Variants in SNRK observed in about 807,000 individuals in gnomAD.
The protein encoded by SNRK is SNF related kinase, also known as SNF-related serine/threonine-protein kinase.
In SNRK, 3 loss-of-function variants were observed where a neutral mutation model predicts 48.2. The observed-to-expected ratio is 0.06, with a 90% CI of 0.03 to 0.16. The LOEUF is 0.16. SNRK is among the 10% of genes least tolerant of loss of function. SNRK has a pLI of 1.00. For missense variants in SNRK, 627 were observed against 976.0 expected, an observed-to-expected ratio of 0.64 and a Z score of 4.76; for synonymous variants, 376 against 366.1, an observed-to-expected ratio of 1.03 and a Z score of -0.31.
chr3:43,348,547 A>G lies in SNRK; in HGVS notation c.2288A>G (p.His763Arg), dbSNP rs779555770. The change falls in exon 7 of 7, where the codon CAT (histidine) becomes CGT (arginine). Residue 763 changes from histidine (H) to arginine (R), a missense_variant. Physicochemically the swap from His to Arg is conservative, Grantham distance 29. Around this residue, in one of 4 missense-constraint regions of SNRK, gnomAD observed 207 missense variants for 234.3 expected, o/e 0.88. Coordinates refer to ENST00000296088, the MANE Select transcript of SNRK (RefSeq NM_017719.5). ...LCASSPASCC[H>R]VI ...GCATCCAGCCCAGCCAGCTGTTGCC[A>G]TGTCATCTGACTGTGGCCCCATCTG... 2 of 1,535,910 alleles carry G rather than the reference A, an allele frequency of 1.3e-6. No homozygotes were observed. The highest frequency in any genetic ancestry group is 2.3e-5 in the East Asian group (1 of 44,212).
In SNRK at chr3:43,349,137, G is replaced by T. The variant is rs555228099; in HGVS notation, c.*580G>T. On this transcript the variant is annotated 3_prime_UTR_variant, in exon 7 of 7. Coordinates refer to ENST00000296088, the MANE Select transcript of SNRK (RefSeq NM_017719.5). ...CAGTTGAACATACCCACACCTGTTT[G>T]TCTTAAGCTATAGTGTAAAAACAAA... The T allele has an allele frequency of 7.2e-5, 11 of 152,778 alleles. No individual in the cohort carries two copies. The highest frequency in any genetic ancestry group is 2.6e-4 in the African/African-American group (11 of 41,574). The allele number at this position is 152,778 out of a possible 1,614,324, so 9.5% of individuals were successfully genotyped here.
In SNRK at chr3:43,340,478, C is replaced by T. The variant is rs2091226667; in HGVS notation, c.923C>T (p.Ala308Val). ...CAGCGCATGGTGCTTGGGGACATAG[C>T]GGATCGAGACGCCATTGTAGAGTAC... The part of the protein sequence containing the change: ...IIQRMVLGDI[A>V]DRDAIVEALE... The change falls in exon 5 of 7, where the codon GCG becomes GTG. Residue 308 changes from alanine to valine, a missense_variant. Physicochemically the swap from Ala to Val is moderately conservative, Grantham distance 64. Around this residue, in one of 4 missense-constraint regions of SNRK, gnomAD observed 175 missense variants for 209.7 expected, o/e 0.83. Transcript: ENST00000296088. 1 of 1,614,062 alleles carries T rather than the reference C, an allele frequency of 6.2e-7. No homozygotes were observed. The highest frequency in any genetic ancestry group is 8.5e-7 in the Non-Finnish European group (1 of 1,179,992).
chr3:43,288,847 T>C (rs182856564), intron 1 of SNRK, among the ~76,000 whole-genome samples: 37 of 152,344 alleles, frequency 2.4e-4, no homozygotes, highest in Non-Finnish European at 5.1e-4. Flanking sequence ...GATGCTTTAG[T>C]AAGAAAACTG....
In SNRK at chr3:43,349,822, A is replaced by C. The variant is rs556201594; in HGVS notation, c.*1265A>C. ...TATATTGCAAATTGCTGATTATGGA[A>C]GGGGCCAGTTGCTGTTTTTTCATGC... On this transcript the variant is annotated 3_prime_UTR_variant, in exon 7 of 7. Transcript: ENST00000296088. 2 of 152,348 alleles carry C rather than the reference A, an allele frequency of 1.3e-5. No homozygotes were observed. The highest frequency in any genetic ancestry group is 4.1e-4 in the South Asian group (2 of 4,826). The allele number at this position is 152,348 out of a possible 1,614,324, so 9.4% of individuals were successfully genotyped here.
At chr3:43,343,597 G>A in intron 6 of SNRK, 119 bp downstream of exon 6, 1 of 1,141,530 alleles carries the variant, frequency 8.8e-7, no homozygotes, top group East Asian at 2.6e-5. Context: ...AGTGATGACG[G>A]CCTCATTGGA....
chr3:43,301,447 T>G (rs2090897023), intron 2 of SNRK, among the ~76,000 whole-genome samples: 2 of 152,160 alleles, frequency 1.3e-5, no homozygotes, highest in African/African-American at 2.4e-5. Context: ...TAGAGCAGCC[T>G]ATTGCCTTAG....
chr3:43,321,713 G>A (rs11712075), intron 3 of SNRK, among the ~76,000 whole-genome samples: 32,806 of 152,120 alleles, frequency 0.22, 4,094 homozygotes, highest in Middle Eastern at 0.35. Context: ...CACGGTGTGC[G>A]CCTCTCCTTG....
At chr3:43,286,886 CGCGGCGCGGCCTGGCGGCGGGGCG>C (rs2090768440) in intron 1 of SNRK, among the ~76,000 whole-genome samples, 2 of 144,746 alleles carry the variant, frequency 1.4e-5, no homozygotes, top group African/African-American at 2.5e-5. Flanking sequence ...GCCCGGACCC[CGCGGCGCGGCCTGGCGGCGGGGCG>C]GCGGCGGGGC....
intron 1 of SNRK, among the ~76,000 whole-genome samples, chr3:43,291,590 A>G (rs1383911038): frequency 2.0e-5 from 3 of 152,164 alleles, no homozygotes; most frequent in Admixed American, 6.5e-5. Flanking sequence ...CTGCTAATAT[A>G]TATTATCCCA....
chr3:43,340,258 T>C (rs1402897186), intron 4 of SNRK, 29 bp from the exon 5 acceptor site: 1 of 1,581,632 alleles, frequency 6.3e-7, no homozygotes, highest in Non-Finnish European at 8.7e-7. Context: ...AGCAGTTTGC[T>C]TTAACAATGG....
At chr3:43,326,115 A>G (rs2091094992) in intron 3 of SNRK, among the ~76,000 whole-genome samples, 1 of 152,078 alleles carries the variant, frequency 6.6e-6, no homozygotes, top group Non-Finnish European at 1.5e-5. Context: ...GTGATTGATA[A>G]CACTTTGACT....
At chr3:43,324,692 T>G (rs753493327) in intron 3 of SNRK, among the ~76,000 whole-genome samples, 3 of 152,110 alleles carry the variant, frequency 2.0e-5, no homozygotes, top group Non-Finnish European at 4.4e-5. Flanking sequence ...CCAACCAGGT[T>G]GTGTATTTAT....
rs533998944 is a variant in SNRK, at chr3:43,312,549, G to A, written c.589+8757G>A. Among the ~76,000 whole-genome samples, 15 of 152,274 alleles carry A rather than the reference G, an allele frequency of 9.9e-5. No individual in the cohort carries two copies. The Middle Eastern group carries it at 0.01, about 104-fold the overall frequency. On this transcript the variant is annotated intron_variant, in intron 3 of 6. Transcript: ENST00000296088. ...GATAACATCCTACTTAATGGTGAAA[G>A]ACTGAATGCTTTCATCCTAAGTTGA...
chr3:43,310,185 T>C (rs1263793968), intron 3 of SNRK, among the ~76,000 whole-genome samples: 2 of 144,870 alleles, frequency 1.4e-5, no homozygotes, highest in African/African-American at 5.8e-5. Context: ...TTTAATTTAT[T>C]TATATTTATT....
intron 3 of SNRK, among the ~76,000 whole-genome samples, chr3:43,323,660 C>T (rs148131765): frequency 3.5e-4 from 53 of 152,290 alleles, no homozygotes; most frequent in Non-Finnish European, 4.6e-4. Flanking sequence ...AGCCTGTACA[C>T]ACTTTTTTTG....
At chr3:43,287,003 G>A (rs959774738) in intron 1 of SNRK, among the ~76,000 whole-genome samples, 7 of 148,206 alleles carry the variant, frequency 4.7e-5, no homozygotes, top group African/African-American at 1.7e-4. Flanking sequence ...GCGGCACCTC[G>A]GAAGGCGCCC....
intron 4 of SNRK, among the ~76,000 whole-genome samples, chr3:43,339,359 T>C (rs2091214973): frequency 6.6e-6 from 1 of 152,210 alleles, no homozygotes; most frequent in Non-Finnish European, 1.5e-5. Flanking sequence ...CATTATATTC[T>C]GTTATATGCA....
chr3:43,290,931 C>T (rs77494886), intron 1 of SNRK, among the ~76,000 whole-genome samples: 2 of 152,176 alleles, frequency 1.3e-5, no homozygotes, highest in Non-Finnish European at 2.9e-5. Flanking sequence ...ATTAACCACA[C>T]AGTCACACAA....
In SNRK at chr3:43,291,264, AAC is replaced by A. The variant is rs564798570; in HGVS notation, c.-169+4595_-169+4596del. Reference sequence around the variant, plus strand: ...GTTGCCAGTTTCAGTTCTTAGCTCAAACACACAAAATTTATTTCTCCAGAATG... The same window carrying A: ...GTTGCCAGTTTCAGTTCTTAGCTCAAACACAAAATTTATTTCTCCAGAATG... On this transcript the variant is annotated intron_variant, in intron 1 of 6. Coordinates refer to ENST00000296088, the MANE Select transcript of SNRK (RefSeq NM_017719.5). 2.4e-3 allele frequency among the ~76,000 whole-genome samples: 358 copies of A among 152,284 alleles called. 1 individual carries two copies. The highest frequency in any genetic ancestry group is 8.2e-3 in the African/African-American group (339 of 41,536).
Sources: allele counts gnomAD v4.1 joint callset (sites outside exome capture counted in the v4.1 genomes callset), GRCh38; gene constraint gnomAD v4.1.1; regional missense constraint gnomAD v4.1.1; transcripts MANE v1.5; gene names NCBI Gene and HGNC (gene_info 2026-07-23, HGNC 2026-07-21).